Variants in WDR72 observed in about 807,000 individuals in gnomAD.
WDR72 encodes the protein WD repeat domain 72.
A neutral mutation model predicts 124.2 loss-of-function variants in WDR72; 120 were observed. That is an observed-to-expected ratio of 0.97 (90% confidence interval 0.83 to 1.12). The LOEUF is 1.12. Among genes scored for constraint, WDR72 ranks in the 50% most tolerant of loss-of-function variants. The pLI is 0.00. For missense variants in WDR72, 1,387 were observed against 1,278.8 expected (o/e 1.08, Z -1.29); for synonymous variants, 452 against 441.7 (o/e 1.02, Z -0.29).
chr15:53,699,691 G>C, intron 13 of WDR72, 59 bp downstream of exon 13: 4 of 1,576,280 alleles, frequency 2.5e-6, no homozygotes, highest in Non-Finnish European at 3.5e-6. Flanking sequence ...TTTCCATCTG[G>C]TCAAATGCTT....
At chr15:53,640,263 A>G (rs1595813256) in intron 14 of WDR72, among the ~76,000 whole-genome samples, 1 of 152,134 alleles carries the variant, frequency 6.6e-6, no homozygotes, top group East Asian at 1.9e-4. Context: ...ACCTAATTAC[A>G]AGGTCAGTCA....
chr15:53,616,082 A>G lies in WDR72; in HGVS notation c.2124T>C (p.Tyr708=). ...TGGCTCTTCTCAGGACCTCACCACCATAGAATGAACTGGAAGAGTCAACAT... is the reference window on the plus strand; with the variant it reads ...TGGCTCTTCTCAGGACCTCACCACCGTAGAATGAACTGGAAGAGTCAACAT... ...LSDVDSSSSF[Y]GGEVLRRAKS... Residue 708 remains tyrosine (Y), a synonymous_variant, in exon 15 of 20, where the codon TAT becomes TAC. Coordinates refer to ENST00000360509, the MANE Select transcript of WDR72 (RefSeq NM_182758.4). 1 of 1,607,254 alleles carries G rather than the reference A, an allele frequency of 6.2e-7. No individual in the cohort carries two copies. Among genetic ancestry groups the G allele is most frequent in the East Asian group, 2.2e-5 (1 of 44,748 alleles).
At chr15:53,707,603 C>T (rs193025306) in intron 9 of WDR72, among the ~76,000 whole-genome samples, 1,538 of 152,080 alleles carry the variant, frequency 0.01, 21 homozygotes, top group African/African-American at 0.036. Context: ...CCCGCCACCA[C>T]GCCCGGCTAA....
At chr15:53,641,000 C>T (rs1447241330) in intron 14 of WDR72, among the ~76,000 whole-genome samples, 2 of 151,488 alleles carry the variant, frequency 1.3e-5, no homozygotes, top group Admixed American at 6.6e-5. Context: ...TAAAAATATT[C>T]ATTTTTTTCA....
At position 53,651,691 on chromosome 15, in the gene WDR72, T is replaced by C. The variant is rs1567006024; in HGVS notation, c.1962+13881A>G. Reference sequence around the variant, plus strand: ...GTTTTGAGACAGAATCTTGCTCTATTGCTCAGGCTGGAGTGCAGTGGCGAG... The same window carrying C: ...GTTTTGAGACAGAATCTTGCTCTATCGCTCAGGCTGGAGTGCAGTGGCGAG... On this transcript the variant is annotated intron_variant, in intron 14 of 19. Transcript: ENST00000360509. Among the ~76,000 whole-genome samples the C allele has an allele frequency of 2.0e-5, 3 of 152,166 alleles. No homozygotes were observed. In the South Asian group the frequency reaches 6.2e-4, roughly 32 times the overall value.
chr15:53,644,373 G>A (rs997765613), intron 14 of WDR72, among the ~76,000 whole-genome samples: 1 of 151,374 alleles, frequency 6.6e-6, no homozygotes, highest in Non-Finnish European at 1.5e-5. Flanking sequence ...TTTCCCCATG[G>A]GAATTTTATC....
intron 14 of WDR72, among the ~76,000 whole-genome samples, chr15:53,627,069 C>G (rs2014240369): frequency 6.6e-6 from 1 of 152,096 alleles, no homozygotes; most frequent in South Asian, 2.1e-4. Flanking sequence ...TTTCTCCTCA[C>G]ACTAAGGAAA....
At chr15:53,694,976 T>C (rs2016959016) in intron 13 of WDR72, among the ~76,000 whole-genome samples, 1 of 152,220 alleles carries the variant, frequency 6.6e-6, no homozygotes, top group Non-Finnish European at 1.5e-5. Context: ...CTTTATGTAG[T>C]GTCTATGGCT....
rs900186970 is a variant in WDR72 at position 53,517,629 on chromosome 15, G to A, written c.*70C>T. ...CCAATAACAACAATGCTTTTATACA[G>A]TAATAAACAAATGGCATCTTTTGGA... On this transcript the variant is annotated 3_prime_UTR_variant, in exon 20 of 20. Transcript: ENST00000360509. The A allele has an allele frequency of 2.0e-6, 3 of 1,498,532 alleles. No individual in the cohort carries two copies. Among genetic ancestry groups the A allele is most frequent in the Non-Finnish European group, 2.8e-6 (3 of 1,075,428 alleles). 92.8% of individuals were successfully genotyped at this position (1,498,532 alleles called of 1,614,324 possible). A position where few individuals can be genotyped will look rare whatever the true frequency, so the allele number is the denominator to read the frequency against.
At chr15:53,643,537 G>T (rs1362150743) in intron 14 of WDR72, among the ~76,000 whole-genome samples, 1 of 152,050 alleles carries the variant, frequency 6.6e-6, no homozygotes, top group Non-Finnish European at 1.5e-5. Flanking sequence ...GATGGGAGCT[G>T]GCTTGAGACA....
At chr15:53,541,155 C>G (rs1478378599) in intron 18 of WDR72, 1 of 153,074 alleles carries the variant, frequency 6.5e-6, no homozygotes, top group African/African-American at 2.4e-5. Context: ...CTCAAGGTGG[C>G]CTGCCTGCCT....
intron 18 of WDR72, among the ~76,000 whole-genome samples, chr15:53,595,644 C>A (rs561446909): frequency 1.3e-5 from 2 of 152,232 alleles, no homozygotes; most frequent in East Asian, 3.9e-4. Context: ...CACTAGCTGA[C>A]TTGGGAGAGG....
chr15:53,531,240 G>C (rs1052438940), intron 18 of WDR72, among the ~76,000 whole-genome samples: 3 of 151,984 alleles, frequency 2.0e-5, no homozygotes, highest in Non-Finnish European at 4.4e-5. Flanking sequence ...AACATATTGA[G>C]ATTGAACGAA....
At chr15:53,673,689 T>C (rs1200206771) in intron 13 of WDR72, among the ~76,000 whole-genome samples, 1 of 152,156 alleles carries the variant, frequency 6.6e-6, no homozygotes, top group Non-Finnish European at 1.5e-5. Flanking sequence ...ATATATTTCA[T>C]TGTGAAAAAA....
intron 17 of WDR72, among the ~76,000 whole-genome samples, chr15:53,600,342 T>C (rs1049005272): frequency 3.9e-5 from 6 of 152,156 alleles, no homozygotes; most frequent in African/African-American, 1.2e-4. Flanking sequence ...TTATATAACT[T>C]TGTAATTTTA....
chr15:53,634,261 C>A (rs962001350), intron 14 of WDR72, among the ~76,000 whole-genome samples: 2 of 152,162 alleles, frequency 1.3e-5, no homozygotes, highest in Non-Finnish European at 2.9e-5. Flanking sequence ...ACAAACAACA[C>A]TACAGTGAAT....
intron 13 of WDR72, 94 bp downstream of exon 13, chr15:53,699,656 G>T (rs866114589): frequency 2.8e-5 from 38 of 1,350,368 alleles, no homozygotes; most frequent in African/African-American, 4.3e-5. Flanking sequence ...AGCAAGTGAG[G>T]TCATCACCGT....
intron 14 of WDR72, among the ~76,000 whole-genome samples, chr15:53,629,173 A>C (rs1342382994): frequency 2.0e-5 from 3 of 150,568 alleles, no homozygotes; most frequent in Non-Finnish European, 4.4e-5. Context: ...AGACAATATC[A>C]GCTGAGGAGA....
At chr15:53,752,444 G>A (rs2018798108) in intron 1 of WDR72, among the ~76,000 whole-genome samples, 1 of 152,160 alleles carries the variant, frequency 6.6e-6, no homozygotes, top group Non-Finnish European at 1.5e-5. Context: ...CACACACAGA[G>A]AAAGTCAGGT....
Sources: gnomAD v4.1 joint callset for allele counts (sites outside exome capture counted in the v4.1 genomes callset) on GRCh38, gnomAD v4.1.1 for gene constraint, MANE v1.5 for transcripts, NCBI Gene and HGNC (gene_info 2026-07-23, HGNC 2026-07-21) for gene names.